Variants in DDC observed in about 807,000 individuals in gnomAD.
The protein encoded by DDC is dopa decarboxylase.
A neutral mutation model predicts 60.0 loss-of-function variants in DDC; 43 were observed. That is an observed-to-expected ratio of 0.72 (90% CI 0.56 to 0.92). The LOEUF (loss-of-function observed/expected upper bound fraction) is 0.92. Among genes scored for constraint, DDC ranks in the 40% least tolerant of loss-of-function variants. The probability of loss-of-function intolerance (pLI) is 0.00; values close to 1 mark genes in which losing one functional copy is unlikely to be tolerated. For synonymous variants in DDC, 232 were observed against 234.6 expected (o/e 0.99, Z 0.10); for missense variants, 573 against 620.2 (o/e 0.92, Z 0.81).
intron 6 of DDC, among the ~76,000 whole-genome samples, chr7:50,514,636 G>C (rs1369789176): frequency 1.3e-5 from 2 of 152,144 alleles, no homozygotes; most frequent in Non-Finnish European, 2.9e-5. Flanking sequence ...TAAAGAAAAA[G>C]CAATCAAAAC....
chr7:50,510,763 C>T (rs1388412217), intron 6 of DDC, among the ~76,000 whole-genome samples: 6 of 151,306 alleles, frequency 4.0e-5, no homozygotes, highest in South Asian at 2.1e-4. Flanking sequence ...GGGCGGATCA[C>T]GAGGTCAGGA....
chr7:50,493,533 C>G (rs2043055803), intron 9 of DDC, among the ~76,000 whole-genome samples: 1 of 152,198 alleles, frequency 6.6e-6, no homozygotes, highest in African/African-American at 2.4e-5. Flanking sequence ...ACATTTCAAT[C>G]AAAATTACCC....
intron 9 of DDC, among the ~76,000 whole-genome samples, chr7:50,487,241 T>C (rs765992278): frequency 6.6e-6 from 1 of 152,130 alleles, no homozygotes; most frequent in Non-Finnish European, 1.5e-5. Context: ...TCAGTTCATA[T>C]AGTTTTAGTA....
Position 50,468,497 on chromosome 7 carries a change from T to C in DDC, c.1141-1182A>G, listed in dbSNP as rs11575509. Among the ~76,000 whole-genome samples the C allele has an allele frequency of 4.9e-3, 744 of 152,318 alleles. 3 individuals carry two copies. The highest frequency in any genetic ancestry group is 7.7e-3 in the Non-Finnish European group (527 of 68,024). Reference sequence around the variant, plus strand: ...GGGATTTCCTACCCAGGAATTCATATACATACTCCTTTCCCAGTTCTCGCC... The same window carrying C: ...GGGATTTCCTACCCAGGAATTCATACACATACTCCTTTCCCAGTTCTCGCC... On this transcript the variant is annotated intron_variant, in intron 12 of 14. Coordinates refer to ENST00000444124, the MANE Select transcript of DDC (RefSeq NM_001082971.2).
chr7:50,555,130 G>A lies in DDC; in HGVS notation c.-29+10155C>T, dbSNP rs925094312. Among the ~76,000 whole-genome samples the A allele has an allele frequency of 3.9e-5, 6 of 152,264 alleles. No individual in the cohort carries two copies. In the East Asian group the frequency reaches 5.8e-4, roughly 15 times the overall value. On this transcript the variant is annotated intron_variant, in intron 1 of 14. Transcript: ENST00000444124. The stretch of plus-strand genomic sequence containing the variant: ...AAGCTGCCACCAGGTCAGGCTTGCC[G>A]GGTCAGCAGGCATGGAGGAGGAGGC...
chr7:50,493,369 G>A (rs2043052864), intron 9 of DDC, among the ~76,000 whole-genome samples: 1 of 152,120 alleles, frequency 6.6e-6, no homozygotes, highest in Non-Finnish European at 1.5e-5. Context: ...TTTGTGGAAG[G>A]CATCTGAGGA....
intron 1 of DDC, among the ~76,000 whole-genome samples, chr7:50,554,039 A>C (rs1563052464): frequency 6.6e-6 from 1 of 152,206 alleles, no homozygotes; most frequent in Non-Finnish European, 1.5e-5. Context: ...GCCAGGAGGT[A>C]CGTGAATAAT....
At chr7:50,539,894 G>T in intron 3 of DDC, 21 bp downstream of exon 3, 1 of 1,593,156 alleles carries the variant, frequency 6.3e-7, no homozygotes, top group South Asian at 1.1e-5. Context: ...ACCCCTTCCC[G>T]AGGTGCATCC....
chr7:50,476,227 T>C (rs753508494), intron 11 of DDC, among the ~76,000 whole-genome samples: 6 of 152,230 alleles, frequency 3.9e-5, no homozygotes, highest in Admixed American at 6.5e-5. Flanking sequence ...ACTAGGCTGC[T>C]GAGATGACTG....
intron 9 of DDC, among the ~76,000 whole-genome samples, chr7:50,488,537 A>C (rs2042932971): frequency 6.6e-6 from 1 of 152,152 alleles, no homozygotes; most frequent in Admixed American, 6.5e-5. Context: ...TATTTAAAAA[A>C]GAGGATGTTT....
At chr7:50,543,416 C>T in intron 2 of DDC, 1 of 264,146 alleles carries the variant, frequency 3.8e-6, no homozygotes, top group Middle Eastern at 1.4e-3. Context: ...TGGTGGGCAG[C>T]ACCACACTGC....
chr7:50,503,941 TC>T, intron 7 of DDC, 51 bp downstream of exon 7: 1 of 1,304,506 alleles, frequency 7.7e-7, no homozygotes, highest in Non-Finnish European at 1.1e-6. Context: ...TTTGCTAAAT[TC>T]CCCGTGTACA....
At chr7:50,494,508 A>G (rs994917982) in intron 9 of DDC, among the ~76,000 whole-genome samples, 2 of 151,956 alleles carry the variant, frequency 1.3e-5, no homozygotes, top group Non-Finnish European at 2.9e-5. Context: ...TGTCTCAAAA[A>G]AAAGAAAGAA....
intron 1 of DDC, among the ~76,000 whole-genome samples, chr7:50,554,179 C>G (rs2045105253): frequency 6.6e-6 from 1 of 152,160 alleles, no homozygotes; most frequent in African/African-American, 2.4e-5. Context: ...TTCTCAGCCT[C>G]TGTGAAAGCA....
chr7:50,557,885 A>G (rs757745394), intron 1 of DDC, among the ~76,000 whole-genome samples: 1 of 152,248 alleles, frequency 6.6e-6, no homozygotes, highest in Non-Finnish European at 1.5e-5. Context: ...TTGAGCATAG[A>G]CACTCCATCT....
In DDC at chr7:50,512,432, T is replaced by C. The variant is rs1328048863; in HGVS notation, c.715-8373A>G. On this transcript the variant is annotated intron_variant, in intron 6 of 14. Transcript: ENST00000444124. Reference sequence around the variant, plus strand: ...ATGCAATTATTTTGAAACTCTGGGGTCTATTGAAGGCTTGCAACTTCAATA... The same window carrying C: ...ATGCAATTATTTTGAAACTCTGGGGCCTATTGAAGGCTTGCAACTTCAATA... 2.6e-5 allele frequency among the ~76,000 whole-genome samples: 4 copies of C among 152,198 alleles called. No homozygotes were observed. The East Asian group carries it at 7.7e-4, about 29-fold the overall frequency.
chr7:50,468,993 G>A (rs1214323998), intron 12 of DDC, among the ~76,000 whole-genome samples: 4 of 138,338 alleles, frequency 2.9e-5, no homozygotes, highest in African/African-American at 8.2e-5. Flanking sequence ...AGGCTTTAGT[G>A]CAGTGGCACA....
intron 6 of DDC, among the ~76,000 whole-genome samples, chr7:50,512,956 G>C (rs2043620830): frequency 6.6e-6 from 1 of 152,166 alleles, no homozygotes; most frequent in Admixed American, 6.5e-5. Flanking sequence ...TATACCTAAG[G>C]CCAATCATCA....
rs748932346 is a variant in DDC, at chr7:50,543,965, G to T, written c.121C>A (p.Leu41Met). ...TCCTGAGGGGCAGCGGCAGGGATCA[G>T]CGGCCGCAGGTACCCGGGCTCCACG... Reference protein sequence around the residue: ...PDVEPGYLRPLIPAAAPQEPD... With the variant: ...PDVEPGYLRPMIPAAAPQEPD... Residue 41 changes from leucine to methionine, a missense_variant, in exon 2 of 15, where the codon CTG becomes ATG. Transcript: ENST00000444124. 116 of 1,614,082 alleles carry T rather than the reference G, an allele frequency of 7.2e-5. No individual in the cohort carries two copies. Among genetic ancestry groups the T allele is most frequent in the Admixed American group, 3.5e-4 (21 of 60,002 alleles).
Sources: gnomAD v4.1 joint callset for allele counts (sites outside exome capture counted in the v4.1 genomes callset) on GRCh38, gnomAD v4.1.1 for gene constraint, MANE v1.5 for transcripts, NCBI Gene and HGNC (gene_info 2026-07-23, HGNC 2026-07-21) for gene names.